Variants in FBLN5 observed in about 807,000 individuals in gnomAD.
The protein encoded by FBLN5 is fibulin-5.
FBLN5 carries 24 observed loss-of-function variants against 61.6 expected under a neutral mutation model. The ratio of observed to expected loss-of-function variants is 0.39; its 90% CI spans 0.28 to 0.55. The LOEUF (loss-of-function observed/expected upper bound fraction) is 0.55. Ranked by LOEUF, FBLN5 falls within the 20% of genes least tolerant of loss-of-function variation. The pLI, the probability that FBLN5 is intolerant of heterozygous loss-of-function variation, is 0.65. For missense variants in FBLN5, 470 were observed against 594.1 expected, an observed-to-expected ratio of 0.79 and a Z score of 2.17; for synonymous variants, 213 against 219.8, an observed-to-expected ratio of 0.97 and a Z score of 0.27.
intron 4 of FBLN5, among the ~76,000 whole-genome samples, chr14:91,923,542 C>A (rs1339647447): frequency 6.6e-6 from 1 of 152,214 alleles, no homozygotes; most frequent in East Asian, 1.9e-4. Flanking sequence ...TGTTCCCTAA[C>A]CCTGACTGCC....
intron 4 of FBLN5, among the ~76,000 whole-genome samples, chr14:91,932,661 G>A (rs2055944570): frequency 6.6e-6 from 1 of 152,178 alleles, no homozygotes; most frequent in African/African-American, 2.4e-5. Flanking sequence ...AATTTAACCT[G>A]AATTGGATCA....
At position 91,881,336 on chromosome 14, in the gene FBLN5, A is replaced by C; in HGVS notation, c.945T>G (p.Ile315Met). ...CYNLQGGFKC[I>M]DPIRCEEPYL... ...AAGGCTCCTCACAGCGGATGGGGTC[A>C]ATGCATTTGAAGCCCCCTTGTAAAT... The change falls in exon 9 of 11, where the codon ATT becomes ATG. Residue 315 changes from isoleucine (I) to methionine (M), a missense_variant. Physicochemically the swap from Ile to Met is conservative, Grantham distance 10 (BLOSUM62 1). Transcript: ENST00000342058. The C allele has an allele frequency of 6.2e-7, 1 of 1,613,936 alleles. No individual in the cohort carries two copies.
At chr14:91,931,048 C>A (rs2055913713) in intron 4 of FBLN5, among the ~76,000 whole-genome samples, 1 of 152,188 alleles carries the variant, frequency 6.6e-6, no homozygotes, top group African/African-American at 2.4e-5. Flanking sequence ...AAACACTGGG[C>A]AAGGTGTTTG....
intron 4 of FBLN5, among the ~76,000 whole-genome samples, chr14:91,913,015 T>C (rs1891024168): frequency 6.6e-6 from 1 of 152,194 alleles, no homozygotes; most frequent in Non-Finnish European, 1.5e-5. Context: ...ATGTACTCCA[T>C]ATTGAGTAGT....
chr14:91,886,441 GA>G (rs1472792873), intron 7 of FBLN5, among the ~76,000 whole-genome samples: 1 of 151,368 alleles, frequency 6.6e-6, no homozygotes, highest in African/African-American at 2.4e-5. Flanking sequence ...TTCTAACTAA[GA>G]AAAAAAATTT....
In FBLN5 at chr14:91,870,166, C is replaced by T; in HGVS notation, c.*58G>A. Reference sequence around the variant, plus strand: ...GCTCTCATTCTCTCTGTTATTTCCTCTCTTCTCCTGTCCCTTGGTGCCAAT... The same window carrying T: ...GCTCTCATTCTCTCTGTTATTTCCTTTCTTCTCCTGTCCCTTGGTGCCAAT... On this transcript the variant is annotated 3_prime_UTR_variant, in exon 11 of 11. Coordinates refer to ENST00000342058, the MANE Select transcript of FBLN5 (RefSeq NM_006329.4). 2 of 1,532,892 alleles carry T rather than the reference C, an allele frequency of 1.3e-6. No individual in the cohort carries two copies. The highest frequency in any genetic ancestry group is 1.8e-6 in the Non-Finnish European group (2 of 1,105,990). The allele number at this position is 1,532,892 out of a possible 1,614,324, so 95.0% of individuals were successfully genotyped here. A position where few individuals can be genotyped will look rare whatever the true frequency, so the allele number is the denominator to read the frequency against.
intron 4 of FBLN5, among the ~76,000 whole-genome samples, chr14:91,929,588 C>T (rs1225020138): frequency 2.0e-5 from 3 of 152,258 alleles, no homozygotes; most frequent in Admixed American, 6.5e-5. Flanking sequence ...TTTACCACTA[C>T]ACCATGCTAC....
At chr14:91,920,799 C>T (rs1310793977) in intron 4 of FBLN5, among the ~76,000 whole-genome samples, 1 of 152,184 alleles carries the variant, frequency 6.6e-6, no homozygotes, top group African/African-American at 2.4e-5. Context: ...AAGTATGGAC[C>T]AGGTCAGCCC....
intron 9 of FBLN5, among the ~76,000 whole-genome samples, chr14:91,879,227 C>G (rs1420839768): frequency 6.6e-6 from 1 of 152,166 alleles, no homozygotes; most frequent in Non-Finnish European, 1.5e-5. Flanking sequence ...GGACCACAAA[C>G]AGCTGGGAGA....
At chr14:91,946,644 T>A in intron 1 of FBLN5, 1 of 1,301,162 alleles carries the variant, frequency 7.7e-7, no homozygotes, top group Non-Finnish European at 1.1e-6. Context: ...GGTAAAGTTC[T>A]CCAAGACTTA....
rs17127768 is a variant in FBLN5, at chr14:91,942,989, T to C, written c.18-28A>G. 0.071 allele frequency: 104,960 copies of C among 1,477,706 alleles called. 4,381 individuals are homozygous for C. The highest frequency in any genetic ancestry group is 0.17 in the African/African-American group (12,111 of 71,712). The allele number at this position is 1,477,706 out of a possible 1,614,324, so 91.5% of individuals were successfully genotyped here. A position where few individuals can be genotyped will look rare whatever the true frequency, so the allele number is the denominator to read the frequency against. On this transcript the variant is annotated intron_variant, in intron 1 of 10. Coordinates refer to ENST00000342058, the MANE Select transcript of FBLN5 (RefSeq NM_006329.4). ...GTGGAGGTGAAAAGTCAAATATAAA[T>C]GCCCAAGACAGATTCAGGTCTAGGG...
At chr14:91,934,062 G>A (rs1403818408) in intron 4 of FBLN5, among the ~76,000 whole-genome samples, 2 of 151,746 alleles carry the variant, frequency 1.3e-5, no homozygotes, top group African/African-American at 4.8e-5. Flanking sequence ...CAGTGATCGA[G>A]GATCATGGTG....
At chr14:91,874,049 T>C (rs895459850) in intron 10 of FBLN5, 10 of 152,284 alleles carry the variant, frequency 6.6e-5, no homozygotes, top group African/African-American at 2.2e-4. Context: ...ATAAGGCTTA[T>C]GAATGGGCTT....
intron 4 of FBLN5, among the ~76,000 whole-genome samples, chr14:91,919,572 T>C (rs191214106): frequency 2.0e-3 from 302 of 152,224 alleles, no homozygotes; most frequent in Admixed American, 3.8e-3. Flanking sequence ...GTGACTGCAA[T>C]TGGGGACAGG....
chr14:91,883,575 G>T (rs1253414676), intron 7 of FBLN5, among the ~76,000 whole-genome samples: 1 of 133,872 alleles, frequency 7.5e-6, no homozygotes, highest in Non-Finnish European at 1.5e-5. Flanking sequence ...GAACAATATT[G>T]TTCCTAAAGT....
intron 4 of FBLN5, among the ~76,000 whole-genome samples, chr14:91,933,769 T>C (rs1472342353): frequency 2.0e-5 from 3 of 152,150 alleles, no homozygotes; most frequent in Admixed American, 2.0e-4. Flanking sequence ...CTTTCTACTT[T>C]TGACTAGGTT....
intron 7 of FBLN5, among the ~76,000 whole-genome samples, chr14:91,884,608 T>C (rs1889642135): frequency 6.6e-6 from 1 of 152,348 alleles, no homozygotes; most frequent in East Asian, 1.9e-4. Flanking sequence ...AGTTCACAGA[T>C]AACCAGTAAG....
chr14:91,870,089 G>C lies in FBLN5; in HGVS notation c.*135C>G. 1 of 911,000 alleles carries C rather than the reference G, an allele frequency of 1.1e-6. No individual in the cohort carries two copies. The highest frequency in any genetic ancestry group is 2.0e-5 in the Admixed American group (1 of 50,858). 56.4% of individuals were successfully genotyped at this position (911,000 alleles called of 1,614,324 possible). On this transcript the variant is annotated 3_prime_UTR_variant, in exon 11 of 11. Coordinates refer to ENST00000342058, the MANE Select transcript of FBLN5 (RefSeq NM_006329.4). ...TAGTACAGGTGAGAGTCAGGAAGTC[G>C]GGGCTGACTCTTCGGGGAAACGTTC...
intron 4 of FBLN5, among the ~76,000 whole-genome samples, chr14:91,924,331 A>G (rs2055789707): frequency 6.6e-6 from 1 of 152,226 alleles, no homozygotes; most frequent in Non-Finnish European, 1.5e-5. Context: ...TGAATCCCAC[A>G]TATATAATTC....
Sources: allele counts gnomAD v4.1 joint callset (sites outside exome capture counted in the v4.1 genomes callset), GRCh38; gene constraint gnomAD v4.1.1; transcripts MANE v1.5; gene names NCBI Gene and HGNC (gene_info 2026-07-23, HGNC 2026-07-21).